RGS20: variants seen among roughly 807,000 people sequenced by gnomAD.
RGS20 encodes the protein regulator of G protein signaling 20, also known as gz-selective GTPase-activating protein.
A neutral mutation model predicts 33.6 loss-of-function variants in RGS20; 30 were observed. The ratio of observed to expected loss-of-function variants is 0.89; its 90% CI spans 0.67 to 1.21. The LOEUF is 1.21. Among genes scored for constraint, RGS20 ranks in the 50% most tolerant of loss-of-function variants. RGS20 has a pLI of 0.00. For synonymous variants in RGS20, 208 were observed against 197.9 expected (o/e 1.05, Z -0.43); for missense variants, 472 against 502.4 (o/e 0.94, Z 0.58).
chr8:53,949,253 T>C (rs1585959447), intron 4 of RGS20, among the ~76,000 whole-genome samples: 1 of 147,440 alleles, frequency 6.8e-6, no homozygotes, highest in Non-Finnish European at 1.5e-5. Context: ...ACAGTATATA[T>C]TTATATATAC....
chr8:53,935,214 G>A (rs1814094871), intron 2 of RGS20, among the ~76,000 whole-genome samples: 1 of 152,036 alleles, frequency 6.6e-6, no homozygotes, highest in Non-Finnish European at 1.5e-5. Context: ...AGAAGTGAGA[G>A]CAAACAAATT....
At chr8:53,879,763 G>A (rs1015141817) in intron 2 of RGS20, 25 of 576,548 alleles carry the variant, frequency 4.3e-5, no homozygotes, top group African/African-American at 4.0e-5. Context: ...GTCCTAGGAC[G>A]GGACATTGGC....
At chr8:53,941,322 G>A (rs957562852) in intron 3 of RGS20, among the ~76,000 whole-genome samples, 5 of 152,132 alleles carry the variant, frequency 3.3e-5, no homozygotes, top group Admixed American at 6.5e-5. Flanking sequence ...TGAAAACTCC[G>A]TCAAACCATA....
intron 4 of RGS20, among the ~76,000 whole-genome samples, chr8:53,952,399 G>A (rs760939027): frequency 1.2e-4 from 18 of 150,158 alleles, no homozygotes; most frequent in Non-Finnish European, 2.1e-4. Context: ...AGTTGCAGAA[G>A]ACAACATATA....
At chr8:53,945,417 T>G (rs552944691) in intron 3 of RGS20, 1 of 152,106 alleles carries the variant, frequency 6.6e-6, no homozygotes, top group Admixed American at 6.6e-5. Flanking sequence ...AGCGGATTCG[T>G]GCTTGCCTAG....
chr8:53,951,397 G>C (rs1482676674), intron 4 of RGS20, among the ~76,000 whole-genome samples: 1 of 152,102 alleles, frequency 6.6e-6, no homozygotes, highest in Non-Finnish European at 1.5e-5. Flanking sequence ...GCTGAGGTGG[G>C]AGAGTCAATT....
intron 1 of RGS20, among the ~76,000 whole-genome samples, chr8:53,861,156 A>G (rs1249310913): frequency 6.6e-6 from 1 of 152,138 alleles, no homozygotes; most frequent in Non-Finnish European, 1.5e-5. Flanking sequence ...TATATCTATC[A>G]CCCACAAGCT....
At chr8:53,868,019 G>T (rs1811960927) in intron 1 of RGS20, among the ~76,000 whole-genome samples, 1 of 152,046 alleles carries the variant, frequency 6.6e-6, no homozygotes, top group Non-Finnish European at 1.5e-5. Context: ...CCAAAGCTGG[G>T]TCATTCTTTT....
At position 53,877,991 on chromosome 8, in the gene RGS20, C is replaced by A. The variant is rs1227069830; in HGVS notation, c.166-1267C>A. On this transcript the variant is annotated intron_variant, in intron 1 of 5. Transcript: ENST00000297313. This position sits in a 1 kb window ranked among gnomAD's most constrained non-coding sequence, Gnocchi z 5.7. ...CCACGAGGCCGCTCGCGACCGCTCC[C>A]GCCTTCAGGACCCTGGAGAGCGGCC... 1.3e-5 allele frequency among the ~76,000 whole-genome samples: 2 copies of A among 152,218 alleles called. No individual in the cohort carries two copies. The highest frequency in any genetic ancestry group is 4.8e-5 in the African/African-American group (2 of 41,456).
chr8:53,947,329 CTA>C (rs200433734), intron 4 of RGS20, among the ~76,000 whole-genome samples: 1,592 of 134,560 alleles, frequency 0.012, 51 homozygotes, highest in African/African-American at 0.042. Context: ...ATTATATATG[CTA>C]TATATAAGAT....
chr8:53,871,028 T>G (rs1156436334), intron 1 of RGS20, among the ~76,000 whole-genome samples: 3 of 147,248 alleles, frequency 2.0e-5, no homozygotes, highest in African/African-American at 7.7e-5. Context: ...GGAGAATTGC[T>G]TGAAGCCGGG....
At chr8:53,941,048 C>G (rs563890269) in intron 3 of RGS20, among the ~76,000 whole-genome samples, 1 of 152,210 alleles carries the variant, frequency 6.6e-6, no homozygotes, top group Non-Finnish European at 1.5e-5. Flanking sequence ...CTTCCGCTCC[C>G]TCCTTTCTCT....
intron 2 of RGS20, among the ~76,000 whole-genome samples, chr8:53,938,654 A>G (rs1447190272): frequency 6.6e-6 from 1 of 152,230 alleles, no homozygotes; most frequent in Non-Finnish European, 1.5e-5. Flanking sequence ...ATAGATCCAG[A>G]AATTAATTCT....
At chr8:53,923,557 T>C (rs1813709016) in intron 2 of RGS20, among the ~76,000 whole-genome samples, 1 of 151,760 alleles carries the variant, frequency 6.6e-6, no homozygotes, top group Non-Finnish European at 1.5e-5. Context: ...ATCACGCCAC[T>C]GAACTCCAGC....
In RGS20 at chr8:53,951,405, A is replaced by G. The variant is rs189198235; in HGVS notation, c.744-2671A>G. ...TCTAGAGGCTGAGGTGGGAGAGTCA[A>G]TTGAGCCCAGGAGGTTGAGGCTGCA... On this transcript the variant is annotated intron_variant, in intron 4 of 5. Transcript: ENST00000297313. Among the ~76,000 whole-genome samples the G allele has an allele frequency of 4.8e-3, 728 of 152,168 alleles. 2 individuals carry two copies. The highest frequency in any genetic ancestry group is 0.017 in the African/African-American group (701 of 41,530).
At chr8:53,857,130 C>T (rs780134507) in intron 1 of RGS20, among the ~76,000 whole-genome samples, 7 of 152,158 alleles carry the variant, frequency 4.6e-5, no homozygotes, top group Non-Finnish European at 8.8e-5. Context: ...TTCCTGAAGG[C>T]GCTCCAAAAA....
Position 53,863,279 on chromosome 8 carries a change from G to A in RGS20, c.165+11215G>A, listed in dbSNP as rs1443130501. On this transcript the variant is annotated intron_variant, in intron 1 of 5. Transcript: ENST00000297313. ...TGGGATTACAGGTGCGAGCCACAGC[G>A]CCCGGCCATGACATTTTCAAATTCC... 6.6e-5 allele frequency among the ~76,000 whole-genome samples: 10 copies of A among 152,206 alleles called. 1 individual carries two copies. In the East Asian group the frequency reaches 1.2e-3, roughly 18 times the overall value.
At chr8:53,954,037 C>A in intron 4 of RGS20, 39 bp from the exon 4 acceptor site, 1 of 1,338,734 alleles carries the variant, frequency 7.5e-7, no homozygotes, top group Non-Finnish European at 1.1e-6. Flanking sequence ...CTACCACTAA[C>A]AGTTCCCTTT....
intron 3 of RGS20, among the ~76,000 whole-genome samples, chr8:53,940,847 G>A (rs932199588): frequency 1.3e-5 from 2 of 152,226 alleles, no homozygotes; most frequent in Non-Finnish European, 2.9e-5. Context: ...GAGAGGCGCT[G>A]GTGGTGGGCA....
Sources: allele counts gnomAD v4.1 joint callset (sites outside exome capture counted in the v4.1 genomes callset), GRCh38; gene constraint gnomAD v4.1.1; non-coding constraint Gnocchi (gnomAD v3.1); transcripts MANE v1.5; gene names NCBI Gene and HGNC (gene_info 2026-07-23, HGNC 2026-07-21).